C2CD3: variants seen among roughly 807,000 people sequenced by gnomAD.
The protein encoded by C2CD3 is C2 domain-containing protein 3.
In C2CD3, 148 loss-of-function variants were observed where a neutral mutation model predicts 234.0. The observed-to-expected ratio is 0.63, with a 90% CI of 0.55 to 0.72. The LOEUF is 0.72. Among genes scored for constraint, C2CD3 ranks in the 30% least tolerant of loss-of-function variants. The pLI is 0.00. For synonymous variants in C2CD3, 1,000 were observed against 1,035.4 expected, an observed-to-expected ratio of 0.97 and a Z score of 0.66; for missense variants, 2,577 against 2,811.5, an observed-to-expected ratio of 0.92 and a Z score of 1.89.
intron 1 of C2CD3, among the ~76,000 whole-genome samples, chr11:74,169,592 T>G (rs539197381): frequency 1.3e-5 from 2 of 152,180 alleles, no homozygotes; most frequent in Non-Finnish European, 2.9e-5. Context: ...ATAATCCTTA[T>G]GGATAGTTTC....
chr11:74,148,402 T>C (rs951388425), intron 3 of C2CD3, among the ~76,000 whole-genome samples: 4 of 151,588 alleles, frequency 2.6e-5, no homozygotes, highest in Non-Finnish European at 5.9e-5. Flanking sequence ...AAATATCTTA[T>C]ATATGTATAT....
chr11:74,107,322 T>TCACACACACACACA lies in C2CD3; in HGVS notation c.1963-843_1963-830dup, dbSNP rs142285119. On this transcript the variant is annotated intron_variant, in intron 12 of 32. Transcript: ENST00000334126. ...CCTGGGCAACAAGAATGAAACTGTG[T>TCACACACACACACA]CACACACACACACACACACACACAC... Among the ~76,000 whole-genome samples, 232 of 146,616 alleles carry TCACACACACACACA rather than the reference T, an allele frequency of 1.6e-3. 2 individuals are homozygous for TCACACACACACACA. The highest frequency in any genetic ancestry group is 5.4e-3 in the African/African-American group (215 of 39,768).
chr11:74,030,369 C>T (rs1565208597), intron 31 of C2CD3, among the ~76,000 whole-genome samples: 2 of 152,198 alleles, frequency 1.3e-5, no homozygotes, highest in African/African-American at 4.8e-5. Flanking sequence ...TCTCACTGTC[C>T]TCACCATTAG....
chr11:74,069,799 T>A (rs1176603071), intron 24 of C2CD3, among the ~76,000 whole-genome samples: 1 of 152,196 alleles, frequency 6.6e-6, no homozygotes, highest in African/African-American at 2.4e-5. Flanking sequence ...CCTTAAGCAA[T>A]GTCCAATTTT....
intron 32 of C2CD3, among the ~76,000 whole-genome samples, chr11:74,025,302 G>A (rs973056925): frequency 2.6e-5 from 4 of 152,062 alleles, no homozygotes; most frequent in Admixed American, 6.6e-5. Flanking sequence ...TTGTGAGTGC[G>A]AAGTTTAGAT....
In C2CD3 at chr11:74,113,905, A is replaced by G; in HGVS notation, c.1731-13T>C. 1 of 1,463,060 alleles carries G rather than the reference A, an allele frequency of 6.8e-7. No individual in the cohort carries two copies. The highest frequency in any genetic ancestry group is 9.4e-7 in the Non-Finnish European group (1 of 1,068,470). The allele number at this position is 1,463,060 out of a possible 1,614,324, so 90.6% of individuals were successfully genotyped here. A position where few individuals can be genotyped will look rare whatever the true frequency, so the allele number is the denominator to read the frequency against. Reference sequence around the variant, plus strand: ...TACAAAGAAAGTGCTAAAAAGAAAAAAAAAGTGATTAAAAACTAACCAAAC... The same window carrying G: ...TACAAAGAAAGTGCTAAAAAGAAAAGAAAAGTGATTAAAAACTAACCAAAC... On this transcript the variant is annotated splice_polypyrimidine_tract_variant and intron_variant, in intron 10 of 32. Transcript: ENST00000334126.
intron 22 of C2CD3, among the ~76,000 whole-genome samples, chr11:74,081,808 C>T (rs1012136765): frequency 6.6e-6 from 1 of 152,194 alleles, no homozygotes; most frequent in African/African-American, 2.4e-5. Flanking sequence ...TATAGGAATG[C>T]TTGTGATTTT....
intron 9 of C2CD3, among the ~76,000 whole-genome samples, chr11:74,116,217 T>C (rs749076645): frequency 1.3e-5 from 2 of 152,022 alleles, no homozygotes; most frequent in Non-Finnish European, 2.9e-5. Flanking sequence ...ATCTTCACAA[T>C]CTATACATCT....
rs1419687023 is a variant in C2CD3, at chr11:74,077,841, ATATATT to A, written c.4603+268_4603+273del. Among the ~76,000 whole-genome samples, 55 of 22,384 alleles carry A rather than the reference ATATATT, an allele frequency of 2.5e-3. 9 individuals are homozygous for A. The highest frequency in any genetic ancestry group is 0.021 in the African/African-American group (51 of 2,478). The allele number at this position is 22,384 out of a possible 152,430, so 14.7% of individuals were successfully genotyped here. A position where few individuals can be genotyped will look rare whatever the true frequency, so the allele number is the denominator to read the frequency against. ...TATATATATATATATATATATATAT[ATATATT>A]ATCTCTTTAGTTACAAGAAGCACTA... On this transcript the variant is annotated intron_variant, in intron 23 of 32. Transcript: ENST00000334126.
chr11:74,071,411 C>A (rs1332382989), intron 24 of C2CD3, among the ~76,000 whole-genome samples: 3 of 152,208 alleles, frequency 2.0e-5, no homozygotes, highest in Admixed American at 1.3e-4. Context: ...GTCAGTCAGG[C>A]ACTGTGCTGA....
intron 18 of C2CD3, among the ~76,000 whole-genome samples, 169 bp from the exon 19 acceptor site, chr11:74,092,757 G>A (rs962502515): frequency 4.0e-5 from 6 of 148,470 alleles, no homozygotes; most frequent in African/African-American, 1.5e-4. Flanking sequence ...TGTGGAGGAG[G>A]AACTCCATAA....
At chr11:74,030,853 C>T (rs1400147615) in intron 31 of C2CD3, among the ~76,000 whole-genome samples, 1 of 152,218 alleles carries the variant, frequency 6.6e-6, no homozygotes, top group Admixed American at 6.5e-5. Flanking sequence ...TAAATGATAT[C>T]ACCTGCCGGG....
At chr11:74,035,875 T>C (rs1464118483) in intron 30 of C2CD3, among the ~76,000 whole-genome samples, 1 of 152,112 alleles carries the variant, frequency 6.6e-6, no homozygotes, top group Non-Finnish European at 1.5e-5. Flanking sequence ...TTTTTGTTTG[T>C]TTTGAGTCAG....
intron 32 of C2CD3, among the ~76,000 whole-genome samples, chr11:74,027,310 G>A (rs548361688): frequency 3.3e-5 from 5 of 152,296 alleles, no homozygotes; most frequent in Admixed American, 1.3e-4. Flanking sequence ...GTTTTGCCAT[G>A]TTGGCCAGGC....
intron 3 of C2CD3, chr11:74,142,497 G>A (rs1209575409): frequency 6.6e-6 from 1 of 152,158 alleles, no homozygotes; most frequent in Non-Finnish European, 1.5e-5. Context: ...TAACAAAAAA[G>A]TAATTTTAAT....
At chr11:74,125,120 C>G (rs941114158) in intron 7 of C2CD3, among the ~76,000 whole-genome samples, 2 of 152,192 alleles carry the variant, frequency 1.3e-5, no homozygotes, top group Non-Finnish European at 2.9e-5. Context: ...TGATCACTTT[C>G]AATTCCCTTG....
chr11:74,133,538 A>G lies in C2CD3; in HGVS notation c.975T>C (p.Asn325=), dbSNP rs546526574. The stretch of plus-strand genomic sequence containing the variant: ...AAATCACCATGGCATTACGCAGTTT[A>G]TTGCCTTGTTCTAACAGAGCTGAAG... The part of the protein sequence containing the change: ...DLLSALLEQG[N]KLRNAMVISA... Residue 325 remains asparagine, a synonymous_variant, in exon 6 of 33, where the codon AAT becomes AAC. Transcript: ENST00000334126. The G allele has an allele frequency of 1.2e-6, 2 of 1,614,110 alleles. No individual in the cohort carries two copies. Among genetic ancestry groups the G allele is most frequent in the African/African-American group, 2.7e-5 (2 of 75,068 alleles).
chr11:74,035,859 CT>C (rs11407087), intron 30 of C2CD3, among the ~76,000 whole-genome samples: 8 of 148,742 alleles, frequency 5.4e-5, no homozygotes, highest in Admixed American at 1.3e-4. Flanking sequence ...AGCTTCAATT[CT>C]TTTTTTTTTG....
intron 28 of C2CD3, among the ~76,000 whole-genome samples, chr11:74,044,293 T>C (rs1268452780): frequency 6.6e-6 from 1 of 152,018 alleles, no homozygotes; most frequent in Non-Finnish European, 1.5e-5. Flanking sequence ...CTGTCTCTAC[T>C]AAAAATACAA....
Sources: allele counts gnomAD v4.1 joint callset (sites outside exome capture counted in the v4.1 genomes callset), GRCh38; gene constraint gnomAD v4.1.1; transcripts MANE v1.5; gene names NCBI Gene and HGNC (gene_info 2026-07-23, HGNC 2026-07-21).